Variants in SPAST observed in about 807,000 individuals in gnomAD.
The protein encoded by SPAST is spastin.
In SPAST, 30 loss-of-function variants were observed where a neutral mutation model predicts 76.6. The ratio of observed to expected loss-of-function variants is 0.39; its 90% CI spans 0.29 to 0.53. The LOEUF (loss-of-function observed/expected upper bound fraction) is 0.53, where lower values mean the gene tolerates loss of function less well. Ranked by LOEUF, SPAST falls within the 20% of genes least tolerant of loss-of-function variation. SPAST has a pLI of 0.68. For missense variants in SPAST, 717 were observed against 770.5 expected (o/e 0.93, Z 0.82); for synonymous variants, 305 against 281.0 (o/e 1.09, Z -0.86).
At chr2:32,109,233 C>G (rs1678439556) in intron 4 of SPAST, among the ~76,000 whole-genome samples, 1 of 151,984 alleles carries the variant, frequency 6.6e-6, no homozygotes, top group Admixed American at 6.6e-5. Flanking sequence ...CTCAGCCTCC[C>G]CGGTAGCTGG....
chr2:32,156,560 C>T lies in SPAST; in HGVS notation c.*2064C>T, dbSNP rs1044693347. 6.6e-6 allele frequency: 1 copy of T among 151,728 alleles called. No individual in the cohort carries two copies. Among genetic ancestry groups the T allele is most frequent in the African/African-American group, 2.4e-5 (1 of 41,282 alleles). The allele number at this position is 151,728 out of a possible 1,614,324, so 9.4% of individuals were successfully genotyped here. A position where few individuals can be genotyped will look rare whatever the true frequency, so the allele number is the denominator to read the frequency against. ...AACATCAATTATGAAATACTGATAA[C>T]GAAAGGTAGTAATGAAATATATATG... On this transcript the variant is annotated 3_prime_UTR_variant, in exon 17 of 17. Coordinates refer to ENST00000315285, the MANE Select transcript of SPAST (RefSeq NM_014946.4).
intron 1 of SPAST, chr2:32,066,162 A>G (rs1240499510): frequency 6.6e-6 from 1 of 151,622 alleles, no homozygotes; most frequent in East Asian, 2.0e-4. Context: ...TTTAGTAGAG[A>G]TGGTGTTTCA....
intron 3 of SPAST, among the ~76,000 whole-genome samples, chr2:32,094,010 G>T (rs1056237589): frequency 2.6e-5 from 4 of 152,046 alleles, no homozygotes; most frequent in South Asian, 2.1e-4. Context: ...TCAGTATTAG[G>T]AATTCCCAGG....
At position 32,081,142 on chromosome 2, in the gene SPAST, A is replaced by G. The variant is rs1366349485; in HGVS notation, c.416-6350A>G. Among the ~76,000 whole-genome samples the G allele has an allele frequency of 2.6e-5, 4 of 151,442 alleles. No homozygotes were observed. In the South Asian group the frequency reaches 6.2e-4, roughly 24 times the overall value. The stretch of plus-strand genomic sequence containing the variant: ...CCTAGCTAATTTTTCTGTTTTTAGT[A>G]GAGATGGGGTTTCACCATCTTGGCC... On this transcript the variant is annotated intron_variant, in intron 1 of 16. Coordinates refer to ENST00000315285, the MANE Select transcript of SPAST (RefSeq NM_014946.4).
At chr2:32,098,663 GC>G in intron 3 of SPAST, 132 bp from the exon 4 acceptor site, 1 of 599,788 alleles carries the variant, frequency 1.7e-6, no homozygotes, top group South Asian at 2.1e-5. Flanking sequence ...TTATATAAAT[GC>G]AAAAACTTTT....
intron 4 of SPAST, among the ~76,000 whole-genome samples, chr2:32,104,548 G>C (rs1025951731): frequency 3.3e-5 from 5 of 152,116 alleles, no homozygotes; most frequent in Non-Finnish European, 5.9e-5. Context: ...TCCTAGCCTC[G>C]ATGGTCTTTA....
chr2:32,087,609 A>C (rs1421985995), intron 2 of SPAST, 31 bp downstream of exon 2: 3 of 1,060,402 alleles, frequency 2.8e-6, no homozygotes, highest in African/African-American at 3.1e-5. Flanking sequence ...AGCCATCCCA[A>C]ATTATGATAT....
intron 1 of SPAST, among the ~76,000 whole-genome samples, chr2:32,084,910 A>G (rs939885000): frequency 8.7e-5 from 12 of 138,532 alleles, no homozygotes; most frequent in African/African-American, 3.0e-4. Context: ...AAAAAAAAAA[A>G]GGGAAGGAGC....
At chr2:32,142,410 A>G (rs779617712) in intron 13 of SPAST, among the ~76,000 whole-genome samples, 8 of 152,022 alleles carry the variant, frequency 5.3e-5, no homozygotes, top group Non-Finnish European at 1.2e-4. Context: ...ACGCAAATTT[A>G]TTTTTTATTT....
In SPAST at chr2:32,097,698, C is replaced by CTT. The variant is rs11442450; in HGVS notation, c.587-1086_587-1085dup. On this transcript the variant is annotated intron_variant, in intron 3 of 16. Coordinates refer to ENST00000315285, the MANE Select transcript of SPAST (RefSeq NM_014946.4). ...GAAATGTCCTTTTTTTTTTTCTTTT[C>CTT]TTTTTTTTTTTTTGAGACAGAGTCT... 2.3e-3 allele frequency among the ~76,000 whole-genome samples: 301 copies of CTT among 130,468 alleles called. 1 individual carries two copies. Among genetic ancestry groups the CTT allele is most frequent in the South Asian group, 6.9e-3 (29 of 4,180 alleles). The allele number at this position is 130,468 out of a possible 152,430, so 85.6% of individuals were successfully genotyped here. A position where few individuals can be genotyped will look rare whatever the true frequency, so the allele number is the denominator to read the frequency against.
rs762590423 is a variant in SPAST at position 32,063,820 on chromosome 2, T to A, written c.-12T>A. 1.7e-5 allele frequency: 27 copies of A among 1,558,246 alleles called. No individual in the cohort carries two copies. The Admixed American group carries it at 4.1e-4, about 24-fold the overall frequency. On this transcript the variant is annotated 5_prime_UTR_variant, in exon 1 of 17. Transcript: ENST00000315285. ...AGGCGGGTTATGGCGGCGGCGGCAG[T>A]GAGAGCTGTGAATGAATTCTCCGGG...
In SPAST at chr2:32,136,626, A is replaced by G; in HGVS notation, c.1309A>G (p.Ile437Val). 1.2e-6 allele frequency: 2 copies of G among 1,612,020 alleles called. No homozygotes were observed. The highest frequency in any genetic ancestry group is 1.7e-6 in the Non-Finnish European group (2 of 1,178,198). ...TGTGGCTCGAGAACTTCAACCTTCT[A>G]TAATTTTTATAGGTAAGAACATATT... ...FAVARELQPS[I>V]IFIDEVDSLL... Residue 437 changes from isoleucine (I) to valine (V), a missense_variant, in exon 10 of 17, where the codon ATA becomes GTA. By Grantham distance (29) the Ile-to-Val change is conservative. Transcript: ENST00000315285.
chr2:32,104,047 T>A (rs1465674906), intron 4 of SPAST, among the ~76,000 whole-genome samples: 1 of 152,130 alleles, frequency 6.6e-6, no homozygotes, highest in Non-Finnish European at 1.5e-5. Flanking sequence ...ATATTGACAG[T>A]GGGGTGTTGA....
intron 3 of SPAST, among the ~76,000 whole-genome samples, chr2:32,092,369 A>G (rs1677756233): frequency 6.6e-6 from 1 of 152,220 alleles, no homozygotes. Flanking sequence ...AAAGCTTTTC[A>G]GTGTATATAT....
intron 1 of SPAST, among the ~76,000 whole-genome samples, chr2:32,083,776 A>ATATATATATATATATATATT (rs1553398791): frequency 2.2e-5 from 1 of 46,088 alleles, no homozygotes; most frequent in Non-Finnish European, 3.7e-5. Context: ...ATATATATAT[A>ATATATATATATATATATATT]TTTTTTTTTT....
chr2:32,126,037 C>T (rs1403143823), intron 7 of SPAST, among the ~76,000 whole-genome samples: 4 of 151,864 alleles, frequency 2.6e-5, no homozygotes, highest in African/African-American at 4.8e-5. Flanking sequence ...CCTCGTGATC[C>T]GCCCGCCTTG....
At chr2:32,143,002 A>C (rs1385951741) in intron 13 of SPAST, among the ~76,000 whole-genome samples, 2 of 152,132 alleles carry the variant, frequency 1.3e-5, no homozygotes, top group Non-Finnish European at 2.9e-5. Flanking sequence ...GTGGTGTCTC[A>C]CGCCTATAAT....
At position 32,064,090 on chromosome 2, in the gene SPAST, A is replaced by G. The variant is rs1676404336; in HGVS notation, c.259A>G (p.Met87Val). ...CTGCCAGCGCTTCTCCCGCGCCCTC[A>G]TGGCAGCCAAGAGGAGCTCCGGGGC... ...WLCQRFSRALMAAKRSSGAAP... is the reference protein window; with the variant it reads ...WLCQRFSRALVAAKRSSGAAP... Residue 87 changes from methionine to valine, a missense_variant, in exon 1 of 17, where the codon ATG becomes GTG. By Grantham distance (21) the Met-to-Val change is conservative. Coordinates refer to ENST00000315285, the MANE Select transcript of SPAST (RefSeq NM_014946.4). 1.2e-6 allele frequency: 2 copies of G among 1,610,914 alleles called. No homozygotes were observed. The highest frequency in any genetic ancestry group is 8.5e-7 in the Non-Finnish European group (1 of 1,178,848).
chr2:32,078,217 C>G (rs1481044598), intron 1 of SPAST, among the ~76,000 whole-genome samples: 1 of 152,110 alleles, frequency 6.6e-6, no homozygotes, highest in Non-Finnish European at 1.5e-5. Context: ...GTCTCGATCT[C>G]CTGACCTCGT....
Sources: gnomAD v4.1 joint callset for allele counts (sites outside exome capture counted in the v4.1 genomes callset) on GRCh38, gnomAD v4.1.1 for gene constraint, MANE v1.5 for transcripts, NCBI Gene and HGNC (gene_info 2026-07-23, HGNC 2026-07-21) for gene names.